Variants in ZNF804A observed in about 807,000 individuals in gnomAD.
ZNF804A encodes the protein zinc finger protein 804A.
ZNF804A carries 2 observed loss-of-function variants against 16.5 expected under a neutral mutation model. The ratio of observed to expected loss-of-function variants is 0.12; its 90% CI spans 0.05 to 0.38. The LOEUF (loss-of-function observed/expected upper bound fraction) is 0.38. ZNF804A is among the 10% of genes least tolerant of loss of function. The pLI is 0.99. For missense variants in ZNF804A, 1,473 were observed against 1,390.7 expected, an observed-to-expected ratio of 1.06 and a Z score of -0.94; for synonymous variants, 534 against 489.6, an observed-to-expected ratio of 1.09 and a Z score of -1.20.
intron 1 of ZNF804A, among the ~76,000 whole-genome samples, chr2:184,863,518 C>T (rs1391101306): frequency 6.6e-6 from 1 of 151,232 alleles, no homozygotes; most frequent in Non-Finnish European, 1.5e-5. Flanking sequence ...TAAACAGAAA[C>T]CAATTATTGC....
At chr2:184,830,950 A>C (rs1023163718) in intron 1 of ZNF804A, among the ~76,000 whole-genome samples, 1 of 152,144 alleles carries the variant, frequency 6.6e-6, no homozygotes, top group African/African-American at 2.4e-5. Context: ...AATTTGAAGG[A>C]GTAAGCTAGA....
At chr2:184,640,256 A>T (rs1384507079) in intron 1 of ZNF804A, among the ~76,000 whole-genome samples, 1 of 151,672 alleles carries the variant, frequency 6.6e-6, no homozygotes, top group Non-Finnish European at 1.5e-5. Context: ...GAGGAGGAGA[A>T]GAAGAAGAAA....
chr2:184,718,954 C>T (rs1190113197), intron 1 of ZNF804A, among the ~76,000 whole-genome samples: 3 of 152,100 alleles, frequency 2.0e-5, no homozygotes, highest in African/African-American at 7.2e-5. Flanking sequence ...GGGCTCTGAC[C>T]CCACATTACC....
intron 2 of ZNF804A, among the ~76,000 whole-genome samples, chr2:184,890,617 T>G (rs925168847): frequency 3.9e-5 from 6 of 152,016 alleles, no homozygotes; most frequent in African/African-American, 1.4e-4. Flanking sequence ...ATATTTATTT[T>G]CTATTTTGTA....
At chr2:184,915,535 A>G (rs564417747) in intron 2 of ZNF804A, among the ~76,000 whole-genome samples, 1 of 152,266 alleles carries the variant, frequency 6.6e-6, no homozygotes, top group South Asian at 2.1e-4. Context: ...TAAGAAGTTA[A>G]TCACTGCCAT....
At chr2:184,687,596 C>T (rs1300209854) in intron 1 of ZNF804A, among the ~76,000 whole-genome samples, 1 of 152,126 alleles carries the variant, frequency 6.6e-6, no homozygotes, top group Admixed American at 6.5e-5. Context: ...GTAGATTAGA[C>T]ATTACTGATG....
At chr2:184,933,515 C>A in intron 2 of ZNF804A, 88 bp from the exon 3 acceptor site, 1 of 1,250,698 alleles carries the variant, frequency 8.0e-7, no homozygotes, top group Non-Finnish European at 1.1e-6. Flanking sequence ...AAAGATGATG[C>A]ATTGGAAAAT....
chr2:184,863,647 T>G (rs1249392424), intron 1 of ZNF804A, among the ~76,000 whole-genome samples: 1 of 151,998 alleles, frequency 6.6e-6, no homozygotes, highest in African/African-American at 2.4e-5. Flanking sequence ...ATGGGGAAAA[T>G]CAACTAGTTT....
intron 1 of ZNF804A, among the ~76,000 whole-genome samples, chr2:184,624,078 C>G (rs1214499930): frequency 6.6e-6 from 1 of 152,060 alleles, no homozygotes; most frequent in Non-Finnish European, 1.5e-5. Flanking sequence ...AATTGATTGA[C>G]AAGGATAGTT....
intron 1 of ZNF804A, among the ~76,000 whole-genome samples, chr2:184,621,277 C>T (rs1056682635): frequency 1.3e-5 from 2 of 151,568 alleles, no homozygotes; most frequent in African/African-American, 4.8e-5. Flanking sequence ...GAAATTGTAA[C>T]AAATATCAAG....
chr2:184,892,039 A>G (rs988636187), intron 2 of ZNF804A, among the ~76,000 whole-genome samples: 2 of 152,194 alleles, frequency 1.3e-5, no homozygotes, highest in African/African-American at 4.8e-5. Flanking sequence ...TTGACAGTTT[A>G]CTACTGAATT....
chr2:184,711,643 A>G (rs558574825), intron 1 of ZNF804A, among the ~76,000 whole-genome samples: 2 of 151,598 alleles, frequency 1.3e-5, no homozygotes, highest in East Asian at 3.9e-4. Context: ...TCTTTAATCC[A>G]TTTTATTTTG....
intron 1 of ZNF804A, among the ~76,000 whole-genome samples, chr2:184,744,091 G>A (rs949217535): frequency 6.6e-6 from 1 of 151,812 alleles, no homozygotes; most frequent in Non-Finnish European, 1.5e-5. Context: ...AATAACACAG[G>A]AAGTGGAGAA....
chr2:184,762,187 G>A (rs1166873908), intron 1 of ZNF804A, among the ~76,000 whole-genome samples: 1 of 138,558 alleles, frequency 7.2e-6, no homozygotes, highest in African/African-American at 2.7e-5. Context: ...CTAATGAAAT[G>A]CTTTCTTTCT....
intron 1 of ZNF804A, among the ~76,000 whole-genome samples, chr2:184,865,948 T>G (rs558427355): frequency 6.6e-6 from 1 of 152,310 alleles, no homozygotes; most frequent in African/African-American, 2.4e-5. Context: ...TGTATATTTG[T>G]GCACAAATAT....
At chr2:184,848,197 C>G (rs77754228) in intron 1 of ZNF804A, among the ~76,000 whole-genome samples, 5,962 of 152,070 alleles carry the variant, frequency 0.039, 378 homozygotes, top group African/African-American at 0.13. Flanking sequence ...GAGCACCCAG[C>G]CACCAATCAT....
At chr2:184,738,041 A>G (rs1008615428) in intron 1 of ZNF804A, among the ~76,000 whole-genome samples, 5 of 151,208 alleles carry the variant, frequency 3.3e-5, no homozygotes, top group African/African-American at 1.2e-4. Flanking sequence ...CAAGAGAATC[A>G]CTTGAACCTG....
chr2:184,649,832 A>C (rs1224115482), intron 1 of ZNF804A, among the ~76,000 whole-genome samples: 1 of 67,858 alleles, frequency 1.5e-5, no homozygotes, highest in Non-Finnish European at 3.5e-5. Flanking sequence ...CAAATCAACC[A>C]AAAAAAAAAA....
chr2:184,798,953 C>T (rs1271896424), intron 1 of ZNF804A, among the ~76,000 whole-genome samples: 2 of 151,982 alleles, frequency 1.3e-5, no homozygotes, highest in Non-Finnish European at 2.9e-5. Context: ...TCCTCCTTTT[C>T]CTATGTATAT....
Sources: allele counts gnomAD v4.1 joint callset (sites outside exome capture counted in the v4.1 genomes callset), GRCh38; gene constraint gnomAD v4.1.1; transcripts MANE v1.5; gene names NCBI Gene and HGNC (gene_info 2026-07-23, HGNC 2026-07-21).